Variants in NFATC1 observed in about 807,000 individuals in gnomAD.
The protein encoded by NFATC1 is nuclear factor of activated T-cells, cytoplasmic 1.
Under a neutral mutation model 76.0 loss-of-function variants are expected in NFATC1, and 22 were observed. That is an observed-to-expected ratio of 0.29 (90% CI 0.21 to 0.41). The LOEUF is 0.41. Ranked by LOEUF, NFATC1 falls within the 10% of genes least tolerant of loss-of-function variation. The pLI is 1.00. For missense variants in NFATC1, 1,357 were observed against 1,337.7 expected, an observed-to-expected ratio of 1.01 and a Z score of -0.23; for synonymous variants, 704 against 613.1, an observed-to-expected ratio of 1.15 and a Z score of -2.19.
chr18:79,397,472 CAG>C (rs2085046531), intron 1 of NFATC1, among the ~76,000 whole-genome samples: 12 of 152,220 alleles, frequency 7.9e-5, no homozygotes, highest in Admixed American at 7.8e-4. Flanking sequence ...GAGCTGAGCA[CAG>C]GGCCGTGAGC....
chr18:79,492,831 G>C (rs886889637), intron 9 of NFATC1, among the ~76,000 whole-genome samples: 1 of 141,654 alleles, frequency 7.1e-6, no homozygotes, highest in Non-Finnish European at 1.5e-5. Flanking sequence ...CTGAGACCTC[G>C]CCACTGCACT....
At chr18:79,445,591 G>C (rs1414085125) in intron 3 of NFATC1, among the ~76,000 whole-genome samples, 1 of 152,242 alleles carries the variant, frequency 6.6e-6, no homozygotes, top group Non-Finnish European at 1.5e-5. Context: ...AATCCAGCAT[G>C]GGGGGAATCG....
chr18:79,513,307 T>A (rs1002351201), intron 9 of NFATC1, among the ~76,000 whole-genome samples: 4 of 152,156 alleles, frequency 2.6e-5, no homozygotes, highest in African/African-American at 9.7e-5. Flanking sequence ...GAGGGCACCT[T>A]GGCCTCCGCG....
chr18:79,527,438 A>G (rs749588980), intron 9 of NFATC1, 90 bp from the exon 10 acceptor site: 21 of 1,036,152 alleles, frequency 2.0e-5, no homozygotes, highest in Non-Finnish European at 3.0e-5. Context: ...CACAGGCGTG[A>G]GCGTCACTGA....
At chr18:79,452,701 G>T (rs531488000) in intron 6 of NFATC1, among the ~76,000 whole-genome samples, 1 of 152,216 alleles carries the variant, frequency 6.6e-6, no homozygotes, top group Non-Finnish European at 1.5e-5. Flanking sequence ...CCTCAAGGGG[G>T]TTCAGGCAGA....
Position 79,410,203 on chromosome 18 carries a change from T to C in NFATC1, c.128-200T>C, listed in dbSNP as rs2085614229. ...GGCAGTGAGGGGCTCACGGGAGCCT[T>C]GTTGGCCAGGTGGGACTGGGGCTGT... is the stretch of plus-strand genomic sequence containing the variant. On this transcript the variant is annotated intron_variant, in intron 1 of 9. Transcript: ENST00000427363. This position sits in a 1 kb window ranked among gnomAD's most constrained non-coding sequence, Gnocchi z 6.7. 1 of 841,220 alleles carries C rather than the reference T, an allele frequency of 1.2e-6. No homozygotes were observed. The highest frequency in any genetic ancestry group is 1.9e-5 in the Admixed American group (1 of 52,946). 52.1% of individuals were successfully genotyped at this position (841,220 alleles called of 1,614,324 possible).
chr18:79,488,732 CT>C, intron 9 of NFATC1, among the ~76,000 whole-genome samples: 1 of 152,362 alleles, frequency 6.6e-6, no homozygotes, highest in South Asian at 2.1e-4. Flanking sequence ...TCCCTCACCC[CT>C]GCTTTGTCTC....
intron 2 of NFATC1, among the ~76,000 whole-genome samples, chr18:79,425,051 CTGTT>C (rs2086259230): frequency 1.4e-5 from 1 of 73,584 alleles, no homozygotes; most frequent in African/African-American, 1.0e-4. Context: ...CTCTCCGTCT[CTGTT>C]TCTCTCTCTG....
chr18:79,476,283 C>T (rs1271428482), intron 8 of NFATC1, among the ~76,000 whole-genome samples: 2 of 152,256 alleles, frequency 1.3e-5, no homozygotes, highest in Non-Finnish European at 2.9e-5. Context: ...CCCACCGTGG[C>T]TCTGTGGCTC....
At chr18:79,427,714 G>T (rs1178665164) in intron 2 of NFATC1, among the ~76,000 whole-genome samples, 1 of 105,620 alleles carries the variant, frequency 9.5e-6, no homozygotes. Flanking sequence ...GGTGGGGTTG[G>T]GGGGGTGCTG....
At chr18:79,464,698 A>ATT (rs1555911973) in intron 7 of NFATC1, among the ~76,000 whole-genome samples, 2 of 94,878 alleles carry the variant, frequency 2.1e-5, no homozygotes, top group African/African-American at 5.5e-5. Context: ...ATATATATTT[A>ATT]TTTATTTATT....
intron 3 of NFATC1, among the ~76,000 whole-genome samples, chr18:79,445,555 C>T (rs1039642864): frequency 6.6e-6 from 1 of 152,236 alleles, no homozygotes; most frequent in African/African-American, 2.4e-5. Context: ...AGACGCTGTT[C>T]ACACAGCGTG....
chr18:79,443,402 A>G (rs1239493633), intron 3 of NFATC1, among the ~76,000 whole-genome samples: 1 of 152,216 alleles, frequency 6.6e-6, no homozygotes, highest in Non-Finnish European at 1.5e-5. Flanking sequence ...TTCACCAGGC[A>G]TGGTAGTGAG....
Position 79,486,591 on chromosome 18 carries a change from C to G in NFATC1, c.2436C>G (p.Gly812=). ...DVPRPVATHP[G]SPGQPPPALL... is the part of the protein sequence containing the mutation. ...CCAGGCCAGTGGCCACGCACCCCGG[C>G]TCGCCCGGGCAGCCACCCCCGGCCC... Residue 812 remains glycine (G), a synonymous_variant, in exon 9 of 10, where the codon GGC becomes GGG. Coordinates refer to ENST00000427363, the MANE Select transcript of NFATC1 (RefSeq NM_001278669.2). 2 of 1,589,792 alleles carry G rather than the reference C, an allele frequency of 1.3e-6. No individual in the cohort carries two copies. Among genetic ancestry groups the G allele is most frequent in the Non-Finnish European group, 8.5e-7 (1 of 1,172,728 alleles).
At chr18:79,499,337 A>G (rs2089965190) in intron 9 of NFATC1, among the ~76,000 whole-genome samples, 2 of 123,710 alleles carry the variant, frequency 1.6e-5, no homozygotes, top group South Asian at 2.6e-4. Context: ...GAAAATATAT[A>G]TGTGTGTGAG....
At chr18:79,505,938 CT>C (rs1302756600) in intron 9 of NFATC1, among the ~76,000 whole-genome samples, 2 of 152,102 alleles carry the variant, frequency 1.3e-5, no homozygotes, top group African/African-American at 4.8e-5. Context: ...GGACGAGCCC[CT>C]TGGGTGATGG....
chr18:79,464,120 C>T (rs1001203586), intron 7 of NFATC1, among the ~76,000 whole-genome samples: 5 of 152,186 alleles, frequency 3.3e-5, no homozygotes, highest in Non-Finnish European at 5.9e-5. Context: ...GAGACAGTCT[C>T]GCTCTGTCAC....
At chr18:79,515,183 A>G (rs1176473227) in intron 9 of NFATC1, among the ~76,000 whole-genome samples, 2 of 151,898 alleles carry the variant, frequency 1.3e-5, no homozygotes, top group Non-Finnish European at 2.9e-5. Flanking sequence ...CATCTCTACT[A>G]AAAATACAAA....
intron 2 of NFATC1, among the ~76,000 whole-genome samples, chr18:79,430,841 G>A (rs1422898218): frequency 2.6e-5 from 4 of 152,196 alleles, no homozygotes; most frequent in Non-Finnish European, 5.9e-5. Context: ...TCATTGCCCA[G>A]CCCTGCAGCT....
Sources: gnomAD v4.1 joint callset for allele counts (sites outside exome capture counted in the v4.1 genomes callset) on GRCh38, gnomAD v4.1.1 for gene constraint, Gnocchi (gnomAD v3.1) non-coding constraint, MANE v1.5 for transcripts, NCBI Gene and HGNC (gene_info 2026-07-23, HGNC 2026-07-21) for gene names.